The following THSD4 variants were observed in gnomAD, a reference collection of about 807,000 sequenced individuals.
THSD4 encodes the protein thrombospondin type-1 domain-containing protein 4.
THSD4 carries 69 observed loss-of-function variants against 119.0 expected under a neutral mutation model. The ratio of observed to expected loss-of-function variants is 0.58; its 90% confidence interval spans 0.48 to 0.71. THSD4 has a LOEUF of 0.71. THSD4 is among the 30% of genes least tolerant of loss of function. The pLI is 0.00. For missense variants in THSD4, 1,393 were observed against 1,391.1 expected, an observed-to-expected ratio of 1.00 and a Z score of -0.02; for synonymous variants, 524 against 540.4, an observed-to-expected ratio of 0.97 and a Z score of 0.42.
rs549591910 is a variant in THSD4 at position 71,678,879 on chromosome 15, T to C, written c.1357+18145T>C. Among the ~76,000 whole-genome samples, 21 of 152,332 alleles carry C rather than the reference T, an allele frequency of 1.4e-4. No homozygotes were observed. In the East Asian group the frequency reaches 3.3e-3, roughly 24 times the overall value. On this transcript the variant is annotated intron_variant, in intron 8 of 17. Transcript: ENST00000261862. ...TTCACATAGCCCCACCCTTTAACTT[T>C]CTTTGTGGCCTTATAGTCACGCCTA...
In THSD4 at chr15:71,215,067, C is replaced by A; in HGVS notation, c.132C>A (p.Pro44=). The part of the protein sequence containing the change: ...VPQRMAAEGA[P]EDDGGGGAPG... Reference sequence around the variant, plus strand: ...AGCGGATGGCGGCGGAGGGCGCCCCCGAGGACGACGGCGGCGGCGGCGCCC... The same window carrying A: ...AGCGGATGGCGGCGGAGGGCGCCCCAGAGGACGACGGCGGCGGCGGCGCCC... The change falls in exon 4 of 18, where the codon CCC becomes CCA. Residue 44 remains proline, a synonymous_variant. Transcript: ENST00000261862. The A allele has an allele frequency of 7.7e-7, 1 of 1,298,852 alleles. No individual in the cohort carries two copies. The allele number at this position is 1,298,852 out of a possible 1,614,324, so 80.5% of individuals were successfully genotyped here. A position where few individuals can be genotyped will look rare whatever the true frequency, so the allele number is the denominator to read the frequency against.
At chr15:71,316,979 G>A (rs2045196178) in intron 6 of THSD4, among the ~76,000 whole-genome samples, 1 of 152,206 alleles carries the variant, frequency 6.6e-6, no homozygotes, top group Non-Finnish European at 1.5e-5. Context: ...TTAGAAAGTG[G>A]TTGGCAGAGC....
intron 1 of THSD4, among the ~76,000 whole-genome samples, chr15:71,125,936 G>A (rs1199315534): frequency 6.6e-6 from 1 of 152,210 alleles, no homozygotes; most frequent in Admixed American, 6.5e-5. Flanking sequence ...TTCTGGCCTG[G>A]GGTCTGGCAG....
intron 8 of THSD4, among the ~76,000 whole-genome samples, chr15:71,677,138 A>G (rs1295931238): frequency 6.6e-6 from 1 of 152,240 alleles, no homozygotes; most frequent in Admixed American, 6.5e-5. Context: ...AGCATGTGAT[A>G]TAATAGGCAC....
chr15:71,156,475 A>G lies in THSD4; in HGVS notation c.99+1543A>G, dbSNP rs145282172. ...AGTGTTTCACCATGTTGGCCAGGCT[A>G]GTCTCGAACTCCTGACCTCAATCAG... On this transcript the variant is annotated intron_variant, in intron 3 of 17. Coordinates refer to ENST00000261862, the MANE Select transcript of THSD4 (RefSeq NM_024817.3). 3.5e-3 allele frequency among the ~76,000 whole-genome samples: 534 copies of G among 152,022 alleles called. 3 individuals are homozygous for G. The highest frequency in any genetic ancestry group is 0.013 in the African/African-American group (524 of 41,496).
chr15:71,726,596 G>T (rs2052843685), intron 8 of THSD4, among the ~76,000 whole-genome samples: 1 of 152,170 alleles, frequency 6.6e-6, no homozygotes, highest in Non-Finnish European at 1.5e-5. Context: ...AACCGAAGGT[G>T]CAAAGAGCCA....
chr15:71,326,726 T>TATATATA (rs1491127315), intron 6 of THSD4, among the ~76,000 whole-genome samples: 15 of 87,992 alleles, frequency 1.7e-4, no homozygotes, highest in South Asian at 4.6e-4. Flanking sequence ...TATATATATA[T>TATATATA]TAGCTGGGTG....
intron 7 of THSD4, among the ~76,000 whole-genome samples, chr15:71,507,513 C>T (rs944437469): frequency 1.3e-5 from 2 of 152,174 alleles, no homozygotes; most frequent in African/African-American, 4.8e-5. Context: ...CAGATCTTCC[C>T]CTTCTGGTAT....
intron 8 of THSD4, among the ~76,000 whole-genome samples, chr15:71,685,380 A>T (rs955499212): frequency 1.3e-5 from 2 of 152,156 alleles, no homozygotes; most frequent in African/African-American, 4.8e-5. Context: ...TATTTACAGT[A>T]TTCACATTTT....
rs570857956 is a variant in THSD4, at chr15:71,539,436, A to G, written c.1153-121094A>G. On this transcript the variant is annotated intron_variant, in intron 7 of 17. Transcript: ENST00000261862. ...AAACCTGCATCTTCCTTCTTCCTTC[A>G]TAAAGAATACACATTCTTTGCAGGA... Among the ~76,000 whole-genome samples the G allele has an allele frequency of 1.9e-3, 290 of 152,332 alleles. 1 individual carries two copies. Among genetic ancestry groups the G allele is most frequent in the African/African-American group, 6.6e-3 (275 of 41,584 alleles).
intron 6 of THSD4, among the ~76,000 whole-genome samples, chr15:71,276,458 C>G (rs1025204565): frequency 6.6e-6 from 1 of 152,162 alleles, no homozygotes; most frequent in Non-Finnish European, 1.5e-5. Flanking sequence ...GGTCTCCTCA[C>G]CTGTGTGAGC....
At chr15:71,313,006 C>T (rs780402772) in intron 6 of THSD4, among the ~76,000 whole-genome samples, 5 of 152,148 alleles carry the variant, frequency 3.3e-5, no homozygotes, top group East Asian at 1.9e-4. Flanking sequence ...CGTCTTCACT[C>T]GCTAGAACAG....
chr15:71,351,378 C>T (rs547281989), intron 6 of THSD4, among the ~76,000 whole-genome samples: 3 of 152,114 alleles, frequency 2.0e-5, no homozygotes, highest in African/African-American at 4.8e-5. Context: ...AGAAAAATCC[C>T]TTCTTTAGGG....
At chr15:71,317,823 A>G (rs774612543) in intron 6 of THSD4, among the ~76,000 whole-genome samples, 1 of 152,228 alleles carries the variant, frequency 6.6e-6, no homozygotes, top group East Asian at 1.9e-4. Context: ...TTTATTTTCC[A>G]CATCTGTAAA....
chr15:71,517,060 A>C (rs1372655905), intron 7 of THSD4, among the ~76,000 whole-genome samples: 4 of 152,360 alleles, frequency 2.6e-5, no homozygotes, highest in Middle Eastern at 3.4e-3. Flanking sequence ...CACTTAAAGC[A>C]GCAGACATTT....
chr15:71,233,791 T>C (rs922495091), intron 4 of THSD4, among the ~76,000 whole-genome samples: 5 of 152,244 alleles, frequency 3.3e-5, no homozygotes, highest in Non-Finnish European at 5.9e-5. Flanking sequence ...CTGCTTCTAT[T>C]GCTGAAGGAA....
At chr15:71,609,485 T>C (rs2050178014) in intron 7 of THSD4, among the ~76,000 whole-genome samples, 1 of 152,158 alleles carries the variant, frequency 6.6e-6, no homozygotes, top group African/African-American at 2.4e-5. Context: ...ATTAGCCACA[T>C]TGATCTGCTC....
At chr15:71,336,103 G>C (rs533550778) in intron 6 of THSD4, among the ~76,000 whole-genome samples, 1 of 152,344 alleles carries the variant, frequency 6.6e-6, no homozygotes, top group African/African-American at 2.4e-5. Flanking sequence ...GCCATCCCCT[G>C]CTCAGCCAGC....
chr15:71,223,901 G>A (rs990139616), intron 4 of THSD4, among the ~76,000 whole-genome samples: 2 of 152,082 alleles, frequency 1.3e-5, no homozygotes, highest in Non-Finnish European at 2.9e-5. Flanking sequence ...GGCTTGGTGT[G>A]GCTGGGGGAT....
Sources: gnomAD v4.1 joint callset for allele counts (sites outside exome capture counted in the v4.1 genomes callset) on GRCh38, gnomAD v4.1.1 for gene constraint, MANE v1.5 for transcripts, NCBI Gene and HGNC (gene_info 2026-07-23, HGNC 2026-07-21) for gene names.